Variants in BNC2 observed in about 807,000 individuals in gnomAD.
The protein encoded by BNC2 is zinc finger protein basonuclin-2.
BNC2 carries 20 observed loss-of-function variants against 76.3 expected under a neutral mutation model. The ratio of observed to expected loss-of-function variants is 0.26; its 90% CI spans 0.18 to 0.38. The LOEUF (loss-of-function observed/expected upper bound fraction) is 0.38. BNC2 is among the 10% of genes least tolerant of loss of function. The pLI is 1.00. For synonymous variants in BNC2, 582 were observed against 514.8 expected, an observed-to-expected ratio of 1.13 and a Z score of -1.77; for missense variants, 1,382 against 1,399.8, an observed-to-expected ratio of 0.99 and a Z score of 0.20.
intron 1 of BNC2, among the ~76,000 whole-genome samples, chr9:16,783,043 A>C (rs1405166191): frequency 6.6e-6 from 1 of 152,200 alleles, no homozygotes; most frequent in East Asian, 1.9e-4. Context: ...TTGTGTTTTC[A>C]GAGTTCAAAA....
chr9:16,841,669 G>A (rs755857026), intron 1 of BNC2, among the ~76,000 whole-genome samples: 5 of 151,940 alleles, frequency 3.3e-5, no homozygotes, highest in Non-Finnish European at 7.4e-5. Context: ...GTTTGAAAAT[G>A]TTTAAACACT....
At position 16,436,276 on chromosome 9, in the gene BNC2, C is replaced by G; in HGVS notation, c.1918G>C (p.Val640Leu). ...KKKPRKSSMP[V>L]KIEKEIIDTA... is the part of the protein sequence containing the mutation. ...TCAATAATTTCCTTCTCAATCTTCA[C>G]AGGCATGCTTGACTTCCTGGGCTTT... Residue 640 changes from valine (V) to leucine (L), a missense_variant, in exon 6 of 7, where the codon GTG becomes CTG. Coordinates refer to ENST00000380672, the MANE Select transcript of BNC2 (RefSeq NM_017637.6). 6.2e-7 allele frequency: 1 copy of G among 1,614,164 alleles called. No homozygotes were observed. The highest frequency in any genetic ancestry group is 8.5e-7 in the Non-Finnish European group (1 of 1,180,036).
intron 5 of BNC2, among the ~76,000 whole-genome samples, chr9:16,478,887 A>G (rs1336612174): frequency 6.6e-6 from 1 of 152,246 alleles, no homozygotes; most frequent in Non-Finnish European, 1.5e-5. Context: ...TGACCCTGAT[A>G]TTAAACAGAT....
chr9:16,656,213 C>G (rs1821924998), intron 3 of BNC2, among the ~76,000 whole-genome samples: 2 of 152,084 alleles, frequency 1.3e-5, no homozygotes, highest in Admixed American at 1.3e-4. Flanking sequence ...GCTCAGGGAA[C>G]ACAGAAGAGA....
intron 1 of BNC2, among the ~76,000 whole-genome samples, chr9:16,825,592 G>A (rs1818435010): frequency 6.6e-6 from 1 of 152,092 alleles, no homozygotes; most frequent in Non-Finnish European, 1.5e-5. Flanking sequence ...AACCTTTGTG[G>A]TGTTCTCTTA....
At chr9:16,869,754 G>A (rs1474125112) in intron 1 of BNC2, among the ~76,000 whole-genome samples, 4 of 152,184 alleles carry the variant, frequency 2.6e-5, no homozygotes, top group Non-Finnish European at 5.9e-5. Flanking sequence ...CTGCAAAGAA[G>A]TCGCTTCTCG....
intron 3 of BNC2, among the ~76,000 whole-genome samples, chr9:16,626,695 A>ACACACC (rs1278636598): frequency 1.3e-5 from 2 of 151,788 alleles, no homozygotes; most frequent in Non-Finnish European, 2.9e-5. Flanking sequence ...ACACACACAC[A>ACACACC]CACACCCTGT....
intron 3 of BNC2, among the ~76,000 whole-genome samples, chr9:16,682,229 C>T (rs1421043778): frequency 6.7e-6 from 1 of 149,564 alleles, no homozygotes; most frequent in East Asian, 2.0e-4. Context: ...ACATGACCAG[C>T]TTTGCCCCAG....
At chr9:16,689,230 AG>A (rs1823077114) in intron 3 of BNC2, among the ~76,000 whole-genome samples, 2 of 151,812 alleles carry the variant, frequency 1.3e-5, no homozygotes, top group Admixed American at 1.3e-4. Context: ...AAAAAGCTCC[AG>A]GTTGTAAATG....
intron 3 of BNC2, among the ~76,000 whole-genome samples, chr9:16,665,488 A>G (rs141697663): frequency 0.012 from 1,578 of 135,528 alleles, 22 homozygotes; most frequent in African/African-American, 0.037. Flanking sequence ...GAAAGAAAGA[A>G]AGAGAGAGAG....
Position 16,664,027 on chromosome 9 carries a change from A to T in BNC2, c.330+63770T>A, listed in dbSNP as rs535806039. Among the ~76,000 whole-genome samples the T allele has an allele frequency of 1.1e-3, 174 of 152,326 alleles. 4 individuals carry two copies. The South Asian group carries it at 0.035, about 30-fold the overall frequency. ...GTGCCATTATTATTAGAGATTAGTTATGAAAACTTAACCCTCCATTGATCC... is the reference window on the plus strand; with the variant it reads ...GTGCCATTATTATTAGAGATTAGTTTTGAAAACTTAACCCTCCATTGATCC... On this transcript the variant is annotated intron_variant, in intron 3 of 6. Transcript: ENST00000380672.
At chr9:16,730,101 A>C in intron 2 of BNC2, among the ~76,000 whole-genome samples, 1 of 150,020 alleles carries the variant, frequency 6.7e-6, no homozygotes, top group Non-Finnish European at 1.5e-5. Context: ...CCTACCCAAC[A>C]CCCCACACAC....
At chr9:16,547,689 G>A (rs1217534580) in intron 5 of BNC2, among the ~76,000 whole-genome samples, 3 of 152,130 alleles carry the variant, frequency 2.0e-5, no homozygotes, top group African/African-American at 4.8e-5. Context: ...AATTACCCAC[G>A]CAGAGACACA....
intron 5 of BNC2, among the ~76,000 whole-genome samples, chr9:16,551,280 C>T (rs1182535630): frequency 6.6e-6 from 1 of 152,164 alleles, no homozygotes; most frequent in Non-Finnish European, 1.5e-5. Flanking sequence ...TATTCCAACT[C>T]CCTTCCCTTT....
chr9:16,762,755 G>A (rs1825587195), intron 1 of BNC2, among the ~76,000 whole-genome samples: 1 of 152,178 alleles, frequency 6.6e-6, no homozygotes, highest in South Asian at 2.1e-4. Context: ...GGATTCCACA[G>A]AACATATTCT....
At chr9:16,870,563 G>A (rs1586950125) in intron 1 of BNC2, 83 bp downstream of exon 1, 22 of 1,522,414 alleles carry the variant, frequency 1.4e-5, no homozygotes, top group Non-Finnish European at 1.8e-5. Context: ...ACGGCCCCCG[G>A]GCGGCCCCGG....
Position 16,411,574 on chromosome 9 carries a change from A to G in BNC2, c.*7415T>C, listed in dbSNP as rs539248502. 1.3e-5 allele frequency: 2 copies of G among 152,764 alleles called. No homozygotes were observed. Among genetic ancestry groups the G allele is most frequent in the Admixed American group, 1.3e-4 (2 of 15,306 alleles). 9.5% of individuals were successfully genotyped at this position (152,764 alleles called of 1,614,324 possible). On this transcript the variant is annotated 3_prime_UTR_variant, in exon 7 of 7. Transcript: ENST00000380672. ...ATTAAGATGTCTGATAAACGATTGT[A>G]ACATATACATACTGAGGAACTTAAG...
At chr9:16,676,052 G>A (rs578069617) in intron 3 of BNC2, among the ~76,000 whole-genome samples, 27 of 152,236 alleles carry the variant, frequency 1.8e-4, no homozygotes, top group Admixed American at 3.9e-4. Context: ...GTGACAAAGC[G>A]AGACTCTGTC....
chr9:16,867,518 C>G (rs1420865130), intron 1 of BNC2: 2 of 152,150 alleles, frequency 1.3e-5, no homozygotes, highest in African/African-American at 4.8e-5. Context: ...TTGAACTCCT[C>G]ATATTCACTA....
Sources: allele counts gnomAD v4.1 joint callset (sites outside exome capture counted in the v4.1 genomes callset), GRCh38; gene constraint gnomAD v4.1.1; transcripts MANE v1.5; gene names NCBI Gene and HGNC (gene_info 2026-07-23, HGNC 2026-07-21).